SGIP1: variants seen among roughly 807,000 people sequenced by gnomAD.
SGIP1 encodes SH3GL interacting endocytic adaptor 1.
SGIP1 carries 38 observed loss-of-function variants against 107.5 expected under a neutral mutation model. That is an observed-to-expected ratio of 0.35 (90% CI 0.27 to 0.46). The LOEUF (loss-of-function observed/expected upper bound fraction) is 0.46, where lower values mean the gene tolerates loss of function less well. Among genes scored for constraint, SGIP1 ranks in the 20% least tolerant of loss-of-function variants. SGIP1 has a pLI of 1.00. For missense variants in SGIP1, 929 were observed against 1,019.5 expected (o/e 0.91, Z 1.21); for synonymous variants, 365 against 366.1 (o/e 1.00, Z 0.03).
At chr1:66,542,986 C>A (rs1396558429) in intron 1 of SGIP1, among the ~76,000 whole-genome samples, 15 of 152,176 alleles carry the variant, frequency 9.9e-5, no homozygotes, top group Admixed American at 9.2e-4. Flanking sequence ...AAGTAAACAG[C>A]AGATTGTTTA....
intron 1 of SGIP1, among the ~76,000 whole-genome samples, chr1:66,621,616 C>G (rs774728634): frequency 7.2e-5 from 11 of 152,182 alleles, no homozygotes; most frequent in Non-Finnish European, 1.5e-4. Flanking sequence ...CCACTCCACT[C>G]GGCCTCTGTC....
intron 17 of SGIP1, among the ~76,000 whole-genome samples, chr1:66,693,763 T>G (rs2090342818): frequency 6.6e-6 from 1 of 152,166 alleles, no homozygotes; most frequent in Non-Finnish European, 1.5e-5. Flanking sequence ...CACCAATTCA[T>G]GATGTTGTGA....
intron 4 of SGIP1, among the ~76,000 whole-genome samples, chr1:66,638,726 A>C (rs1230091649): frequency 6.6e-6 from 1 of 152,180 alleles, no homozygotes. Context: ...TCCTATGTGC[A>C]CACATAAAAA....
At position 66,582,688 on chromosome 1, in the gene SGIP1, T is replaced by TCTGAATTGA. The variant is rs1454577826; in HGVS notation, c.11-43159_11-43158insCTGAATTGA. ...GATAATTGATTCATAAATATCTGAA[T>TCTGAATTGA]TACACATGGCTTTTTTTAGATGCTG... On this transcript the variant is annotated intron_variant, in intron 1 of 24. Transcript: ENST00000371037. 2.0e-4 allele frequency among the ~76,000 whole-genome samples: 31 copies of TCTGAATTGA among 152,174 alleles called. 2 individuals carry two copies. The highest frequency in any genetic ancestry group is 7.2e-4 in the African/African-American group (30 of 41,560).
chr1:66,702,183 A>T (rs35393617), intron 18 of SGIP1, among the ~76,000 whole-genome samples: 19,282 of 152,264 alleles, frequency 0.13, 1,913 homozygotes, highest in East Asian at 0.51. Context: ...ACAGATGAGT[A>T]AACAAAGGCT....
chr1:66,733,773 A>T lies in SGIP1; in HGVS notation c.1924A>T (p.Thr642Ser), dbSNP rs772209281. ...TGATAATACACAAAATGATGCCAAT[A>T]CCAAGGAATTCTGGGTAAACATGCC... ...CCDNTQNDANTKEFWVNMPNL... is the reference protein window; with the variant it reads ...CCDNTQNDANSKEFWVNMPNL... Residue 642 changes from threonine to serine, a missense_variant, in exon 21 of 25, where the codon ACC becomes TCC. Thr to Ser is a moderately conservative substitution (Grantham distance 58). Coordinates refer to ENST00000371037, the MANE Select transcript of SGIP1 (RefSeq NM_032291.4). 5.6e-6 allele frequency: 9 copies of T among 1,613,416 alleles called. No individual in the cohort carries two copies. The South Asian group carries it at 7.7e-5, about 14-fold the overall frequency.
chr1:66,684,311 C>A, intron 15 of SGIP1: 2 of 1,358,260 alleles, frequency 1.5e-6, no homozygotes, highest in Non-Finnish European at 2.0e-6. Flanking sequence ...ACAGTGTCAT[C>A]GACAAGATCA....
intron 9 of SGIP1, among the ~76,000 whole-genome samples, chr1:66,670,644 T>A (rs1242905911): frequency 6.6e-6 from 1 of 152,232 alleles, no homozygotes; most frequent in Non-Finnish European, 1.5e-5. Context: ...AAGCATCAAA[T>A]ATATGCTAAA....
intron 1 of SGIP1, among the ~76,000 whole-genome samples, chr1:66,541,424 C>A (rs2054914041): frequency 6.6e-6 from 1 of 152,234 alleles, no homozygotes; most frequent in Non-Finnish European, 1.5e-5. Context: ...TCATTCTTCT[C>A]ACACATTTAA....
In SGIP1 at chr1:66,744,636, A is replaced by C. The variant is rs1319812729; in HGVS notation, c.*1541A>C. The C allele has an allele frequency of 6.6e-6, 1 of 152,160 alleles. No individual in the cohort carries two copies. Among genetic ancestry groups the C allele is most frequent in the Non-Finnish European group, 1.5e-5 (1 of 67,954 alleles). The allele number at this position is 152,160 out of a possible 1,614,324, so 9.4% of individuals were successfully genotyped here. On this transcript the variant is annotated 3_prime_UTR_variant, in exon 25 of 25. Transcript: ENST00000371037. The stretch of plus-strand genomic sequence containing the variant: ...TTAGCCCCTTTAAATTTTAGAATTA[A>C]ATTAAATTTTTAAAGTTTTACTTCT...
chr1:66,627,886 T>C (rs932217479), intron 2 of SGIP1, among the ~76,000 whole-genome samples: 3 of 151,494 alleles, frequency 2.0e-5, no homozygotes, highest in African/African-American at 7.3e-5. Context: ...CTCCTAATGC[T>C]ATCCCTCCCC....
At chr1:66,589,216 A>ATATATATATGTGTGTG (rs1553238978) in intron 1 of SGIP1, among the ~76,000 whole-genome samples, 3 of 96,434 alleles carry the variant, frequency 3.1e-5, no homozygotes, top group African/African-American at 1.2e-4. Context: ...ATATATATAT[A>ATATATATATGTGTGTG]TGTAAGGCTT....
chr1:66,587,680 G>A (rs538971395), intron 1 of SGIP1, among the ~76,000 whole-genome samples: 5 of 152,030 alleles, frequency 3.3e-5, no homozygotes, highest in African/African-American at 4.8e-5. Flanking sequence ...AATTCTAGTT[G>A]ACATTACCTT....
intron 1 of SGIP1, among the ~76,000 whole-genome samples, chr1:66,546,457 G>A (rs1256733822): frequency 6.6e-6 from 1 of 152,198 alleles, no homozygotes; most frequent in African/African-American, 2.4e-5. Flanking sequence ...ACAGTTTGTT[G>A]AGTGCAGAAC....
At chr1:66,660,304 G>C (rs553268975) in intron 7 of SGIP1, among the ~76,000 whole-genome samples, 3 of 151,948 alleles carry the variant, frequency 2.0e-5, no homozygotes, top group African/African-American at 7.3e-5. Context: ...CCCAGATGAA[G>C]TCCACACCTA....
At chr1:66,737,978 C>A (rs1454293346) in intron 21 of SGIP1, among the ~76,000 whole-genome samples, 2 of 152,044 alleles carry the variant, frequency 1.3e-5, no homozygotes, top group African/African-American at 4.8e-5. Context: ...CAAAGCACCT[C>A]CCCAGGTAGA....
chr1:66,732,207 T>A (rs1238961837), intron 20 of SGIP1, among the ~76,000 whole-genome samples: 1 of 152,184 alleles, frequency 6.6e-6, no homozygotes, highest in Non-Finnish European at 1.5e-5. Context: ...AACCTCTATT[T>A]TGGCATGGTG....
chr1:66,661,482 G>C (rs1161913061), intron 8 of SGIP1, among the ~76,000 whole-genome samples: 1 of 152,188 alleles, frequency 6.6e-6, no homozygotes, highest in Non-Finnish European at 1.5e-5. Flanking sequence ...GACACAGGAA[G>C]GACAAAAATA....
chr1:66,605,969 G>A (rs942245316), intron 1 of SGIP1, among the ~76,000 whole-genome samples: 1 of 152,106 alleles, frequency 6.6e-6, no homozygotes, highest in African/African-American at 2.4e-5. Flanking sequence ...ATTCTAGAAG[G>A]TACAAGTCAC....
Sources: allele counts gnomAD v4.1 joint callset (sites outside exome capture counted in the v4.1 genomes callset), GRCh38; gene constraint gnomAD v4.1.1; transcripts MANE v1.5; gene names NCBI Gene and HGNC (gene_info 2026-07-23, HGNC 2026-07-21).